Variants in CDH23 observed in about 807,000 individuals in gnomAD.
CDH23 encodes the protein cadherin related 23, also known as cadherin-23.
A neutral mutation model predicts 317.1 loss-of-function variants in CDH23; 189 were observed. That is an observed-to-expected ratio of 0.60 (90% CI 0.53 to 0.67). The LOEUF is 0.67. Among genes scored for constraint, CDH23 ranks in the 30% least tolerant of loss-of-function variants. The pLI is 0.00. For missense variants in CDH23, 4,401 were observed against 4,592.4 expected (o/e 0.96, Z 1.20); for synonymous variants, 1,839 against 1,876.8 (o/e 0.98, Z 0.52).
At chr10:71,620,055 G>A (rs1564691806) in intron 11 of CDH23, among the ~76,000 whole-genome samples, 1 of 152,204 alleles carries the variant, frequency 6.6e-6, no homozygotes, top group Non-Finnish European at 1.5e-5. Flanking sequence ...GGCTAGCACA[G>A]GTGGACAGGG....
In CDH23 at chr10:71,751,221, C is replaced by T. The variant is rs760072441; in HGVS notation, c.4845+9300C>T. The T allele has an allele frequency of 1.1e-5, 17 of 1,600,436 alleles. No homozygotes were observed. In the East Asian group the frequency reaches 3.6e-4, roughly 34 times the overall value. ...GGCTCAAATGCACCTGCCCCAGACC[C>T]AGCCACAACAGCCCACTGTCCCCCA... is the stretch of plus-strand genomic sequence containing the variant. On this transcript the variant is annotated intron_variant, in intron 38 of 69. Coordinates refer to ENST00000224721, the MANE Select transcript of CDH23 (RefSeq NM_022124.6). The surrounding 1 kb of genome is among the most constrained non-coding windows in gnomAD (Gnocchi z 4.9).
At chr10:71,616,207 C>T (rs1861182303) in intron 10 of CDH23, among the ~76,000 whole-genome samples, 1 of 152,226 alleles carries the variant, frequency 6.6e-6, no homozygotes, top group African/African-American at 2.4e-5. Context: ...GGTATGGATC[C>T]TGTCTGAGCC....
At chr10:71,812,037 C>G in intron 66 of CDH23, 22 bp downstream of exon 66, 1 of 1,613,980 alleles carries the variant, frequency 6.2e-7, no homozygotes, top group South Asian at 1.1e-5. Context: ...ACTGGCCCTG[C>G]CCGGTCCCCT....
At chr10:71,715,951 T>A in intron 28 of CDH23, 1 of 1,472,744 alleles carries the variant, frequency 6.8e-7, no homozygotes, top group Non-Finnish European at 9.0e-7. Flanking sequence ...TCTTGGTAGA[T>A]TCCATGTAGT....
chr10:71,774,906 G>A lies in CDH23; in HGVS notation c.4846-2774G>A, dbSNP rs535822608. On this transcript the variant is annotated intron_variant, in intron 38 of 69. Coordinates refer to ENST00000224721, the MANE Select transcript of CDH23 (RefSeq NM_022124.6). The stretch of plus-strand genomic sequence containing the variant: ...TTGTGGGTGGCCTGATCCAAGTCAC[G>A]GGCTCTCTGGAGGCCCTTAGCCCTT... 1.4e-3 allele frequency among the ~76,000 whole-genome samples: 215 copies of A among 152,258 alleles called. 1 individual carries two copies. Among genetic ancestry groups the A allele is most frequent in the African/African-American group, 4.9e-3 (202 of 41,544 alleles).
chr10:71,751,970 C>T lies in CDH23; in HGVS notation c.4845+10049C>T. ...CCTTTCTCTCACCTACATCCCCATC[C>T]CCAAGCCTCAGCAGCATCTCCAAGC... On this transcript the variant is annotated intron_variant, in intron 38 of 69. Coordinates refer to ENST00000224721, the MANE Select transcript of CDH23 (RefSeq NM_022124.6). The surrounding 1 kb of genome is among the most constrained non-coding windows in gnomAD (Gnocchi z 4.9). 8.4e-7 allele frequency: 1 copy of T among 1,196,934 alleles called. No individual in the cohort carries two copies. Among genetic ancestry groups the T allele is most frequent in the Non-Finnish European group, 1.2e-6 (1 of 837,280 alleles). The allele number at this position is 1,196,934 out of a possible 1,614,324, so 74.1% of individuals were successfully genotyped here.
intron 1 of CDH23, among the ~76,000 whole-genome samples, chr10:71,436,669 G>C (rs1293641076): frequency 6.6e-6 from 1 of 152,228 alleles, no homozygotes; most frequent in East Asian, 1.9e-4. Flanking sequence ...TCCTTGGCCT[G>C]TGGGATTGCC....
At chr10:71,506,676 C>G (rs113550518) in intron 3 of CDH23, among the ~76,000 whole-genome samples, 3 of 152,290 alleles carry the variant, frequency 2.0e-5, no homozygotes, top group African/African-American at 7.2e-5. Context: ...CAGGGCTGGG[C>G]CCAGCTTCTG....
chr10:71,814,681 T>TACACAC lies in CDH23; in HGVS notation c.9739-263_9739-258dup, dbSNP rs111594040. Among the ~76,000 whole-genome samples, 25 of 147,808 alleles carry TACACAC rather than the reference T, an allele frequency of 1.7e-4. 1 individual carries two copies. The highest frequency in any genetic ancestry group is 3.7e-4 in the African/African-American group (15 of 40,630). On this transcript the variant is annotated intron_variant, in intron 69 of 69. Transcript: ENST00000224721. ...ACACACAATTTTCACAAGAAGCCGA[T>TACACAC]ACACACACACACAATTTTCACAAGA...
chr10:71,561,479 A>G (rs1366862005), intron 6 of CDH23, among the ~76,000 whole-genome samples: 1 of 152,172 alleles, frequency 6.6e-6, no homozygotes, highest in Admixed American at 6.5e-5. Context: ...CTCACACTGC[A>G]TGTGAGAAGT....
rs2132987952 is a variant in CDH23 at position 71,807,399 on chromosome 10, C to T, written c.8301C>T (p.Phe2767=). 1 of 1,613,900 alleles carries T rather than the reference C, an allele frequency of 6.2e-7. No individual in the cohort carries two copies. Among genetic ancestry groups the T allele is most frequent in the Non-Finnish European group, 8.5e-7 (1 of 1,179,806 alleles). ...DEGPNAIVYY[F]IAAGNEEKNF... Reference sequence around the variant, plus strand: ...GCCCCAACGCGATCGTGTACTACTTCATCGCAGGTGGGGCCAGACAGAGCT... The same window carrying T: ...GCCCCAACGCGATCGTGTACTACTTTATCGCAGGTGGGGCCAGACAGAGCT... Residue 2767 remains phenylalanine (F), a synonymous_variant, in exon 58 of 70, where the codon TTC becomes TTT. Coordinates refer to ENST00000224721, the MANE Select transcript of CDH23 (RefSeq NM_022124.6).
chr10:71,445,820 C>T (rs1486596036), intron 2 of CDH23, among the ~76,000 whole-genome samples: 1 of 134,592 alleles, frequency 7.4e-6, no homozygotes, highest in Non-Finnish European at 1.5e-5. Context: ...TACTCTTCAG[C>T]CTGGGTGACA....
intron 14 of CDH23, among the ~76,000 whole-genome samples, chr10:71,652,120 G>A (rs1024605261): frequency 4.1e-4 from 62 of 152,360 alleles, no homozygotes; most frequent in African/African-American, 1.3e-3. Context: ...GACTGGGCAG[G>A]TGTGGGGCCC....
At chr10:71,811,784 G>A in intron 65 of CDH23, 31 bp downstream of exon 65, 1 of 1,561,082 alleles carries the variant, frequency 6.4e-7, no homozygotes, top group African/African-American at 1.4e-5. Context: ...GGACACAGGT[G>A]AGAAGGCAGT....
At chr10:71,683,958 G>A (rs1249272922) in intron 18 of CDH23, among the ~76,000 whole-genome samples, 1 of 152,096 alleles carries the variant, frequency 6.6e-6, no homozygotes, top group South Asian at 2.1e-4. Flanking sequence ...GCAGGTGCCT[G>A]TAATCCCAGC....
In CDH23 at chr10:71,731,867, G is replaced by T. The variant is rs897697048; in HGVS notation, c.3716-120G>T. On this transcript the variant is annotated intron_variant, in intron 31 of 69. Coordinates refer to ENST00000224721, the MANE Select transcript of CDH23 (RefSeq NM_022124.6). ...CTCTGAGGATGATCCTGCCGGCAGA[G>T]GTGGGGCAGCCCATGCTGGGTGGGC... is the stretch of plus-strand genomic sequence containing the variant. 7.8e-5 allele frequency: 78 copies of T among 994,034 alleles called. 4 individuals are homozygous for T. The highest frequency in any genetic ancestry group is 4.7e-4 in the Admixed American group (18 of 38,334). The allele number at this position is 994,034 out of a possible 1,614,324, so 61.6% of individuals were successfully genotyped here. A position where few individuals can be genotyped will look rare whatever the true frequency, so the allele number is the denominator to read the frequency against.
At chr10:71,550,817 G>T (rs1159038639) in intron 6 of CDH23, among the ~76,000 whole-genome samples, 5 of 152,152 alleles carry the variant, frequency 3.3e-5, no homozygotes, top group Non-Finnish European at 7.3e-5. Context: ...GGCTTGCTAA[G>T]CCTGGGGGAA....
chr10:71,471,946 T>C (rs541802557), intron 3 of CDH23, among the ~76,000 whole-genome samples: 160 of 152,358 alleles, frequency 1.1e-3, no homozygotes, highest in African/African-American at 3.7e-3. Context: ...TGGTAATTGC[T>C]TTGAGAGTCA....
intron 14 of CDH23, among the ~76,000 whole-genome samples, chr10:71,669,879 T>C (rs1391344207): frequency 6.6e-6 from 1 of 151,878 alleles, no homozygotes; most frequent in Non-Finnish European, 1.5e-5. Flanking sequence ...CTCACGCCTG[T>C]AATCCCAGCT....
Sources: allele counts gnomAD v4.1 joint callset (sites outside exome capture counted in the v4.1 genomes callset), GRCh38; gene constraint gnomAD v4.1.1; non-coding constraint Gnocchi (gnomAD v3.1); transcripts MANE v1.5; gene names NCBI Gene and HGNC (gene_info 2026-07-23, HGNC 2026-07-21).